Variants in QSOX2 observed in about 807,000 individuals in gnomAD.
QSOX2 encodes quiescin sulfhydryl oxidase 2.
In QSOX2, 46 loss-of-function variants were observed where a neutral mutation model predicts 61.7. That is an observed-to-expected ratio of 0.75 (90% CI 0.59 to 0.95). The LOEUF (loss-of-function observed/expected upper bound fraction) is 0.95, where lower values mean the gene tolerates loss of function less well. Among genes scored for constraint, QSOX2 ranks in the 40% least tolerant of loss-of-function variants. QSOX2 has a pLI of 0.00. For synonymous variants in QSOX2, 383 were observed against 388.4 expected (o/e 0.99, Z 0.16); for missense variants, 879 against 918.9 (o/e 0.96, Z 0.56).
At position 136,208,423 on chromosome 9, in the gene QSOX2, C is replaced by T. The variant is rs1831802309; in HGVS notation, c.*305G>A. Reference sequence around the variant, plus strand: ...GGAAGACTATCTGGCCTGGACTCTGCACCCTCTTTTCACATCTAGAAGAGT... The same window carrying T: ...GGAAGACTATCTGGCCTGGACTCTGTACCCTCTTTTCACATCTAGAAGAGT... On this transcript the variant is annotated 3_prime_UTR_variant, in exon 12 of 12. Coordinates refer to ENST00000358701, the MANE Select transcript of QSOX2 (RefSeq NM_181701.4). 3 of 283,200 alleles carry T rather than the reference C, an allele frequency of 1.1e-5. No homozygotes were observed. The South Asian group carries it at 2.1e-4, about 20-fold the overall frequency. 17.5% of individuals were successfully genotyped at this position (283,200 alleles called of 1,614,324 possible). A position where few individuals can be genotyped will look rare whatever the true frequency, so the allele number is the denominator to read the frequency against.
rs1252143012 is a variant in QSOX2, at chr9:136,209,320, G to C, written c.1550-45C>G. The C allele has an allele frequency of 1.9e-6, 3 of 1,573,022 alleles. No homozygotes were observed. The highest frequency in any genetic ancestry group is 2.7e-5 in the African/African-American group (2 of 73,906). On this transcript the variant is annotated intron_variant, in intron 11 of 11. Transcript: ENST00000358701. This position sits in a 1 kb window ranked among gnomAD's most constrained non-coding sequence, Gnocchi z 5.6. ...GGAGAGCCAGAGGGAAGGAGGCTTT[G>C]TGCAGCCACGTGCAGCGTGCGGCAA...
At chr9:136,239,611 C>T (rs112324499) in intron 1 of QSOX2, among the ~76,000 whole-genome samples, 7 of 152,240 alleles carry the variant, frequency 4.6e-5, no homozygotes, top group African/African-American at 1.4e-4. Context: ...CACTGCAGGG[C>T]GAGGGAAGTC....
chr9:136,229,239 G>A (rs1204857726), intron 1 of QSOX2, among the ~76,000 whole-genome samples: 1 of 152,194 alleles, frequency 6.6e-6, no homozygotes, highest in Non-Finnish European at 1.5e-5. Context: ...GCCACTCCTT[G>A]CCCAAGCCTC....
intron 10 of QSOX2, among the ~76,000 whole-genome samples, chr9:136,213,729 G>A (rs371799123): frequency 2.9e-4 from 44 of 152,274 alleles, no homozygotes; most frequent in South Asian, 4.1e-4. Context: ...AACAGGATGC[G>A]GCAGAAGTAA....
At chr9:136,212,241 G>A (rs1588632266) in intron 10 of QSOX2, among the ~76,000 whole-genome samples, 2 of 152,236 alleles carry the variant, frequency 1.3e-5, no homozygotes, top group African/African-American at 4.8e-5. Flanking sequence ...GGGCAGCATG[G>A]GGCGGGGCTC....
chr9:136,230,220 A>C (rs750960109), intron 1 of QSOX2, among the ~76,000 whole-genome samples: 2 of 152,242 alleles, frequency 1.3e-5, no homozygotes, highest in Non-Finnish European at 2.9e-5. Context: ...AGGAGGCTGC[A>C]GTGAGCCAAG....
chr9:136,209,531 T>C lies in QSOX2; in HGVS notation c.1550-256A>G. 1.0e-6 allele frequency: 1 copy of C among 985,312 alleles called. No individual in the cohort carries two copies. Among genetic ancestry groups the C allele is most frequent in the Non-Finnish European group, 1.2e-6 (1 of 829,884 alleles). 61.0% of individuals were successfully genotyped at this position (985,312 alleles called of 1,614,324 possible). ...CCATAGCCTGCAAGTGAGGAGACGC[T>C]ACACGCTCGGCCTCCGCCACTTCCC... On this transcript the variant is annotated intron_variant, in intron 11 of 11. Coordinates refer to ENST00000358701, the MANE Select transcript of QSOX2 (RefSeq NM_181701.4). This position sits in a 1 kb window ranked among gnomAD's most constrained non-coding sequence, Gnocchi z 5.6.
rs2131046322 is a variant in QSOX2 at position 136,208,529 on chromosome 9, CCA to C, written c.*197_*198del. 5 of 598,038 alleles carry C rather than the reference CCA, an allele frequency of 8.4e-6. No homozygotes were observed. The South Asian group carries it at 1.1e-4, about 13-fold the overall frequency. The allele number at this position is 598,038 out of a possible 1,614,324, so 37.0% of individuals were successfully genotyped here. ...GAGTACGCCAGGAATGCAAATATCC[CCA>C]CAAAATTACCCCGTGTTCTTCCCTT... On this transcript the variant is annotated 3_prime_UTR_variant, in exon 12 of 12. Transcript: ENST00000358701.
At chr9:136,235,443 G>A (rs1001332600) in intron 1 of QSOX2, among the ~76,000 whole-genome samples, 1 of 152,230 alleles carries the variant, frequency 6.6e-6, no homozygotes, top group African/African-American at 2.4e-5. Context: ...AAGGGGAGGC[G>A]GCCGCGGGAG....
intron 1 of QSOX2, among the ~76,000 whole-genome samples, chr9:136,238,621 G>A (rs1211116493): frequency 6.6e-6 from 1 of 152,216 alleles, no homozygotes; most frequent in Non-Finnish European, 1.5e-5. Context: ...GGCCCCAGCT[G>A]CCACGCGCGG....
chr9:136,226,850 G>A lies in QSOX2; in HGVS notation c.353C>T (p.Ala118Val), dbSNP rs376604129. Residue 118 changes from alanine (A) to valine (V), a missense_variant, in exon 2 of 12, where the codon GCA (alanine) becomes GTA (valine). Physicochemically the swap from Ala to Val is moderately conservative, Grantham distance 64. Transcript: ENST00000358701. ...CTTCTCTTCCATGCAGTCCAGAGCTGCGACGCGAATGGCACTGGCCCAGTC... is the reference window on the plus strand; with the variant it reads ...CTTCTCTTCCATGCAGTCCAGAGCTACGACGCGAATGGCACTGGCCCAGTC... Reference protein sequence around the residue: ...VRDWASAIRVAALDCMEEKNQ... With the variant: ...VRDWASAIRVVALDCMEEKNQ... 2 of 1,614,174 alleles carry A rather than the reference G, an allele frequency of 1.2e-6. No individual in the cohort carries two copies. Among genetic ancestry groups the A allele is most frequent in the Non-Finnish European group, 1.7e-6 (2 of 1,180,004 alleles).
chr9:136,213,637 G>T (rs1333642848), intron 10 of QSOX2, among the ~76,000 whole-genome samples: 1 of 150,282 alleles, frequency 6.7e-6, no homozygotes, highest in Non-Finnish European at 1.5e-5. Flanking sequence ...TTTTCAGAAG[G>T]CCACTATAGT....
chr9:136,235,402 G>A (rs1830372214), intron 1 of QSOX2, among the ~76,000 whole-genome samples: 1 of 152,220 alleles, frequency 6.6e-6, no homozygotes, highest in Non-Finnish European at 1.5e-5. Flanking sequence ...AAGGAGAGAA[G>A]GAGAGAAGAC....
chr9:136,244,687 G>A (rs1186663113), intron 1 of QSOX2, among the ~76,000 whole-genome samples: 1 of 152,206 alleles, frequency 6.6e-6, no homozygotes, highest in African/African-American at 2.4e-5. Context: ...CTAACCTGTA[G>A]AGCAGGCGAG....
At position 136,211,480 on chromosome 9, in the gene QSOX2, C is replaced by A. The variant is rs200090727; in HGVS notation, c.1361-28G>T. ...GCAGGGGAAGAAACACTGCTGACAA[C>A]GGCAGGTGCGTGGGCATCACCTGAC... On this transcript the variant is annotated intron_variant, in intron 10 of 11. Coordinates refer to ENST00000358701, the MANE Select transcript of QSOX2 (RefSeq NM_181701.4). 54 of 1,607,770 alleles carry A rather than the reference C, an allele frequency of 3.4e-5. No homozygotes were observed. The South Asian group carries it at 5.7e-4, about 17-fold the overall frequency.
At chr9:136,230,741 T>C (rs1358622257) in intron 1 of QSOX2, among the ~76,000 whole-genome samples, 1 of 152,204 alleles carries the variant, frequency 6.6e-6, no homozygotes, top group Non-Finnish European at 1.5e-5. Flanking sequence ...AATTCTAACA[T>C]TCTGAACCGA....
At chr9:136,214,946 C>T (rs1244881826) in intron 10 of QSOX2, among the ~76,000 whole-genome samples, 3 of 152,250 alleles carry the variant, frequency 2.0e-5, no homozygotes, top group South Asian at 2.1e-4. Context: ...CACATCCTTG[C>T]GAGTTCTGAC....
In QSOX2 at chr9:136,209,244, C is replaced by G. The variant is rs761677091; in HGVS notation, c.1581G>C (p.Lys527Asn). ...GHLSEDPRFP[K>N]LQWPTPDLCP... ...AGAGGTCCGGAGTGGGCCACTGAAG[C>G]TTTGGAAACCGGGGATCCTCACTCA... The change falls in exon 12 of 12, where the codon AAG (lysine) becomes AAC (asparagine). Residue 527 changes from lysine to asparagine, a missense_variant. By Grantham distance (94) the Lys-to-Asn change is moderately conservative. Transcript: ENST00000358701. This position sits in a 1 kb window ranked among gnomAD's most constrained non-coding sequence, Gnocchi z 5.6. 18 of 1,613,328 alleles carry G rather than the reference C, an allele frequency of 1.1e-5. No homozygotes were observed. The highest frequency in any genetic ancestry group is 1.5e-5 in the Non-Finnish European group (18 of 1,179,536).
intron 10 of QSOX2, 59 bp downstream of exon 10, chr9:136,215,095 G>T: frequency 1.3e-6 from 2 of 1,579,570 alleles, no homozygotes; most frequent in South Asian, 2.3e-5. Flanking sequence ...GCACACACCG[G>T]CTGGGTTAAC....
Sources: allele counts gnomAD v4.1 joint callset (sites outside exome capture counted in the v4.1 genomes callset), GRCh38; gene constraint gnomAD v4.1.1; non-coding constraint Gnocchi (gnomAD v3.1); transcripts MANE v1.5; gene names NCBI Gene and HGNC (gene_info 2026-07-23, HGNC 2026-07-21).